RCBTB2: variants seen among roughly 807,000 people sequenced by gnomAD.
RCBTB2 encodes the protein RCC1 and BTB domain-containing protein 2.
A neutral mutation model predicts 65.4 loss-of-function variants in RCBTB2; 55 were observed. The observed-to-expected ratio is 0.84, with a 90% CI of 0.68 to 1.05. RCBTB2 has a LOEUF of 1.05. RCBTB2 is among the 50% of genes least tolerant of loss of function. The pLI is 0.00. For missense variants in RCBTB2, 599 were observed against 680.1 expected (o/e 0.88, Z 1.33); for synonymous variants, 220 against 255.2 (o/e 0.86, Z 1.31).
At chr13:48,513,368 T>C (rs1950911598) in intron 6 of RCBTB2, among the ~76,000 whole-genome samples, 1 of 152,230 alleles carries the variant, frequency 6.6e-6, no homozygotes, top group Non-Finnish European at 1.5e-5. Context: ...CACACCCATG[T>C]ACTACTACTT....
chr13:48,532,879 C>G (rs1165040712), intron 1 of RCBTB2, 149 bp downstream of exon 1: 4 of 416,686 alleles, frequency 9.6e-6, no homozygotes, highest in South Asian at 6.7e-5. Context: ...GGTCGCGGCT[C>G]TAGTCCCCTG....
intron 2 of RCBTB2, among the ~76,000 whole-genome samples, chr13:48,523,701 T>C (rs1247072448): frequency 6.6e-6 from 1 of 152,164 alleles, no homozygotes; most frequent in African/African-American, 2.4e-5. Flanking sequence ...TGACTGCCCC[T>C]CACTGCACTA....
At chr13:48,527,361 T>TGATATATATATATATCATATATA in intron 1 of RCBTB2, among the ~76,000 whole-genome samples, 1 of 112,446 alleles carries the variant, frequency 8.9e-6, no homozygotes, top group Non-Finnish European at 1.6e-5. Flanking sequence ...TGATATATAT[T>TGATATATATATATATCATATATA]TATATATGAT....
In RCBTB2 at chr13:48,489,929, G is replaced by T. The variant is rs1949627062; in HGVS notation, c.*182C>A. On this transcript the variant is annotated 3_prime_UTR_variant, in exon 15 of 15. Transcript: ENST00000344532. Reference sequence around the variant, plus strand: ...GTCACATCTGATCAGAACATTCAATGCTTTCTACATAAACTCTGGGTTTAG... The same window carrying T: ...GTCACATCTGATCAGAACATTCAATTCTTTCTACATAAACTCTGGGTTTAG... 3.1e-6 allele frequency: 2 copies of T among 653,874 alleles called. No individual in the cohort carries two copies. The highest frequency in any genetic ancestry group is 5.3e-6 in the Non-Finnish European group (2 of 375,428). 40.5% of individuals were successfully genotyped at this position (653,874 alleles called of 1,614,324 possible). A position where few individuals can be genotyped will look rare whatever the true frequency, so the allele number is the denominator to read the frequency against.
At chr13:48,511,626 A>G in intron 9 of RCBTB2, 144 bp downstream of exon 9, 1 of 688,144 alleles carries the variant, frequency 1.5e-6, no homozygotes, top group Non-Finnish European at 2.4e-6. Context: ...AATTCAAGGA[A>G]AAAGAGACTT....
At chr13:48,508,381 C>T (rs1281799157) in intron 10 of RCBTB2, among the ~76,000 whole-genome samples, 2 of 152,014 alleles carry the variant, frequency 1.3e-5, no homozygotes, top group Non-Finnish European at 2.9e-5. Flanking sequence ...AACAGAAAAT[C>T]AGGAACATCT....
intron 1 of RCBTB2, among the ~76,000 whole-genome samples, chr13:48,525,373 GATATATATATATATATATATAT>G (rs59350616): frequency 0.015 from 820 of 54,538 alleles, 16 homozygotes; most frequent in African/African-American, 0.038. Context: ...AAGGATTCAT[GATATATATATATATATATATAT>G]ATATATATAT....
intron 14 of RCBTB2, among the ~76,000 whole-genome samples, chr13:48,493,208 C>T (rs1949773018): frequency 6.7e-6 from 1 of 148,636 alleles, no homozygotes; most frequent in Non-Finnish European, 1.5e-5. Flanking sequence ...ATTATACAGC[C>T]TCCTAAGTAC....
chr13:48,499,554 T>C, intron 13 of RCBTB2, 67 bp downstream of exon 13: 1 of 1,531,772 alleles, frequency 6.5e-7, no homozygotes. Flanking sequence ...TTCTTTTAGG[T>C]TCTATAGAAA....
chr13:48,512,698 A>C (rs773053448), intron 7 of RCBTB2, 31 bp downstream of exon 7: 2 of 1,593,626 alleles, frequency 1.3e-6, no homozygotes, highest in Non-Finnish European at 1.7e-6. Flanking sequence ...TATTGAAAAA[A>C]ATCAATGAGC....
At chr13:48,516,866 T>TTA (rs1413836265) in intron 4 of RCBTB2, among the ~76,000 whole-genome samples, 2 of 152,238 alleles carry the variant, frequency 1.3e-5, no homozygotes, top group African/African-American at 4.8e-5. Context: ...ATTTTGTAGG[T>TTA]TATAATAAGA....
At chr13:48,519,791 A>G (rs1309930320) in intron 4 of RCBTB2, among the ~76,000 whole-genome samples, 1 of 152,224 alleles carries the variant, frequency 6.6e-6, no homozygotes, top group Non-Finnish European at 1.5e-5. Flanking sequence ...GTTAGTCATC[A>G]AAGACTCAAT....
chr13:48,533,812 G>T (rs1348671862), upstream of RCBTB2, among the ~76,000 whole-genome samples: 2 of 152,214 alleles, frequency 1.3e-5, no homozygotes, highest in African/African-American at 4.8e-5. Context: ...AAATTGACCT[G>T]AGTGGGTTTT....
chr13:48,515,498 C>A (rs191299766), intron 5 of RCBTB2, 88 bp downstream of exon 5: 8 of 1,379,244 alleles, frequency 5.8e-6, no homozygotes, highest in Non-Finnish European at 7.9e-6. Context: ...TTTTTTTAAC[C>A]TTTTATTCCT....
rs1008833290 is a variant in RCBTB2 at position 48,512,652 on chromosome 13, G to A, written c.516+77C>T. 4.4e-5 allele frequency: 52 copies of A among 1,175,374 alleles called. 1 individual carries two copies. The highest frequency in any genetic ancestry group is 6.5e-5 in the Admixed American group (3 of 46,082). The allele number at this position is 1,175,374 out of a possible 1,614,324, so 72.8% of individuals were successfully genotyped here. ...AGGTGGTTATTTTAATCAAATGATT[G>A]TATTTCCAGGACTACTATAGAAGTC... is the stretch of plus-strand genomic sequence containing the variant. On this transcript the variant is annotated intron_variant, in intron 7 of 14. Coordinates refer to ENST00000344532, the MANE Select transcript of RCBTB2 (RefSeq NM_001268.4).
chr13:48,505,372 T>A (rs1367781991), intron 10 of RCBTB2, among the ~76,000 whole-genome samples: 1 of 152,224 alleles, frequency 6.6e-6, no homozygotes, highest in African/African-American at 2.4e-5. Context: ...AGTGATCAAT[T>A]CAAATTAGTA....
intron 14 of RCBTB2, among the ~76,000 whole-genome samples, chr13:48,493,315 A>ACACACACACACTCTCTCT (rs759504798): frequency 2.9e-4 from 22 of 75,076 alleles, no homozygotes; most frequent in African/African-American, 1.3e-3. Flanking sequence ...ACACACACAC[A>ACACACACACACTCTCTCT]CTCTCTCTCT....
At chr13:48,503,015 T>C in intron 10 of RCBTB2, 101 bp from the exon 11 acceptor site, 1 of 1,270,950 alleles carries the variant, frequency 7.9e-7, no homozygotes, top group Non-Finnish European at 1.0e-6. Flanking sequence ...ATCATAAAAT[T>C]ACAAAAAGGG....
At chr13:48,531,276 A>T (rs1483774020) in intron 1 of RCBTB2, among the ~76,000 whole-genome samples, 3 of 152,244 alleles carry the variant, frequency 2.0e-5, no homozygotes, top group African/African-American at 7.2e-5. Flanking sequence ...TCAGTAAAAA[A>T]ATATCTCTGG....
Sources: allele counts gnomAD v4.1 joint callset (sites outside exome capture counted in the v4.1 genomes callset), GRCh38; gene constraint gnomAD v4.1.1; transcripts MANE v1.5; gene names NCBI Gene and HGNC (gene_info 2026-07-23, HGNC 2026-07-21).